ROBO2: variants seen among roughly 807,000 people sequenced by gnomAD.
ROBO2 encodes roundabout homolog 2.
Under a neutral mutation model 160.8 loss-of-function variants are expected in ROBO2, and 53 were observed. That is an observed-to-expected ratio of 0.33 (90% CI 0.26 to 0.41). ROBO2 has a LOEUF of 0.41. ROBO2 is among the 10% of genes least tolerant of loss of function. ROBO2 has a pLI of 1.00. For missense variants in ROBO2, 1,577 were observed against 1,722.4 expected (o/e 0.92, Z 1.49); for synonymous variants, 664 against 611.7 (o/e 1.09, Z -1.26).
chr3:77,306,867 A>C (rs2063139797), intron 2 of ROBO2, among the ~76,000 whole-genome samples: 1 of 152,292 alleles, frequency 6.6e-6, no homozygotes, highest in African/African-American at 2.4e-5. Context: ...TGAAAATTAA[A>C]TGTCATGCTA....
chr3:76,837,757 CCACA>C (rs1313003104), intron 2 of ROBO2, among the ~76,000 whole-genome samples: 25 of 151,982 alleles, frequency 1.6e-4, no homozygotes, highest in African/African-American at 6.0e-4. Context: ...TTGTTCATAA[CCACA>C]GTATAGTTAT....
In ROBO2 at chr3:75,943,076, T is replaced by C. The variant is rs1391142059; in HGVS notation, c.109+5474T>C. On this transcript the variant is annotated intron_variant, in intron 2 of 26. Transcript: ENST00000487694. ...TAGATTAGATGATTTTAAATGTTTT[T>C]ATGTTTTAACCTGTATTTCTGATCA... is the stretch of plus-strand genomic sequence containing the variant. 2.0e-5 allele frequency among the ~76,000 whole-genome samples: 3 copies of C among 152,144 alleles called. 1 individual carries two copies. Among genetic ancestry groups the C allele is most frequent in the Non-Finnish European group, 2.9e-5 (2 of 68,002 alleles).
chr3:75,927,626 A>G (rs1947339889), intron 1 of ROBO2, among the ~76,000 whole-genome samples: 1 of 152,242 alleles, frequency 6.6e-6, no homozygotes, highest in African/African-American at 2.4e-5. Flanking sequence ...CACAGAATGC[A>G]GAACAAAAAA....
chr3:75,949,325 C>G (rs552916278), intron 2 of ROBO2, among the ~76,000 whole-genome samples: 1 of 151,800 alleles, frequency 6.6e-6, no homozygotes. Flanking sequence ...TTCTTGTTTT[C>G]TAATAATTAC....
chr3:76,379,965 T>C (rs1441202925), intron 2 of ROBO2, among the ~76,000 whole-genome samples: 3 of 152,192 alleles, frequency 2.0e-5, no homozygotes, highest in African/African-American at 7.2e-5. Context: ...TTTTCATTTA[T>C]GTGACTTGCT....
chr3:77,133,378 C>G (rs374611386), intron 2 of ROBO2, among the ~76,000 whole-genome samples: 1 of 152,130 alleles, frequency 6.6e-6, no homozygotes, highest in Non-Finnish European at 1.5e-5. Flanking sequence ...TTGCATCATG[C>G]CTTTGTTAAA....
chr3:75,954,998 C>T (rs1232418083), intron 2 of ROBO2, among the ~76,000 whole-genome samples: 2 of 151,730 alleles, frequency 1.3e-5, no homozygotes, highest in East Asian at 1.9e-4. Context: ...ATAGAACAAG[C>T]GTCTAATGAG....
intron 2 of ROBO2, among the ~76,000 whole-genome samples, chr3:76,910,512 G>T (rs1352247098): frequency 2.6e-5 from 4 of 151,766 alleles, no homozygotes; most frequent in African/African-American, 9.7e-5. Flanking sequence ...CGGATCACAA[G>T]GTCAAAAGAT....
chr3:76,639,029 C>G (rs2090490382), intron 2 of ROBO2, among the ~76,000 whole-genome samples: 1 of 152,040 alleles, frequency 6.6e-6, no homozygotes, highest in African/African-American at 2.4e-5. Context: ...TCCAAAGACT[C>G]CAACTACACA....
intron 1 of ROBO2, among the ~76,000 whole-genome samples, chr3:77,057,569 A>ATTTTT (rs71104648): frequency 0.026 from 2,684 of 105,112 alleles, 156 homozygotes; most frequent in East Asian, 0.035. Flanking sequence ...ATTCCAGAGG[A>ATTTTT]TTTTTTTTTT....
chr3:76,487,128 C>T (rs141734216), intron 2 of ROBO2, among the ~76,000 whole-genome samples: 123 of 150,408 alleles, frequency 8.2e-4, no homozygotes, highest in African/African-American at 2.6e-3. Flanking sequence ...TGCCACTATA[C>T]CTGGCTAATT....
intron 2 of ROBO2, among the ~76,000 whole-genome samples, chr3:76,833,886 G>T (rs1391187051): frequency 6.6e-6 from 1 of 152,018 alleles, no homozygotes; most frequent in Admixed American, 6.6e-5. Flanking sequence ...GTGGATTTGA[G>T]TTTTGGAAGA....
intron 2 of ROBO2, among the ~76,000 whole-genome samples, chr3:77,132,798 AT>A (rs1482293187): frequency 1.3e-5 from 2 of 152,106 alleles, no homozygotes; most frequent in African/African-American, 2.4e-5. Flanking sequence ...AAGATGAAAA[AT>A]AATTCATGTA....
chr3:77,145,633 G>C (rs981960974), intron 2 of ROBO2, among the ~76,000 whole-genome samples: 1 of 151,850 alleles, frequency 6.6e-6, no homozygotes, highest in African/African-American at 2.4e-5. Context: ...CACTTTTCTT[G>C]GTTTATCATC....
intron 2 of ROBO2, among the ~76,000 whole-genome samples, chr3:75,982,982 C>G (rs1282702972): frequency 2.0e-5 from 3 of 151,398 alleles, no homozygotes; most frequent in Admixed American, 1.3e-4. Flanking sequence ...GACTAGCACT[C>G]GCAATGTGAG....
intron 2 of ROBO2, among the ~76,000 whole-genome samples, chr3:77,018,849 G>A (rs1044639266): frequency 2.6e-5 from 4 of 152,178 alleles, no homozygotes; most frequent in African/African-American, 9.6e-5. Context: ...GGTTGACAGA[G>A]GCTAAGGAGA....
intron 2 of ROBO2, among the ~76,000 whole-genome samples, chr3:77,233,400 A>C (rs554572818): frequency 7.0e-4 from 107 of 152,320 alleles, no homozygotes; most frequent in South Asian, 1.2e-3. Flanking sequence ...TGGTAAAACC[A>C]ATGTGGATTA....
chr3:76,435,284 G>C (rs780479478), intron 2 of ROBO2: 3 of 1,142,032 alleles, frequency 2.6e-6, no homozygotes, highest in Non-Finnish European at 4.0e-6. Flanking sequence ...TGGATTGTGA[G>C]ATAGTCAGTG....
chr3:77,425,899 A>G (rs2078153604), intron 2 of ROBO2, among the ~76,000 whole-genome samples: 1 of 151,902 alleles, frequency 6.6e-6, no homozygotes, highest in Non-Finnish European at 1.5e-5. Flanking sequence ...CTGATCTCAA[A>G]TAATCTGCCT....
Sources: allele counts gnomAD v4.1 joint callset (sites outside exome capture counted in the v4.1 genomes callset), GRCh38; gene constraint gnomAD v4.1.1; transcripts MANE v1.5; gene names NCBI Gene and HGNC (gene_info 2026-07-23, HGNC 2026-07-21).